Variants in SLC39A6 observed in about 807,000 individuals in gnomAD.
SLC39A6 encodes zinc transporter ZIP6.
SLC39A6 carries 51 observed loss-of-function variants against 63.5 expected under a neutral mutation model. The ratio of observed to expected loss-of-function variants is 0.80; its 90% CI spans 0.64 to 1.01. The LOEUF is 1.01. Ranked by LOEUF, SLC39A6 falls within the 50% of genes least tolerant of loss-of-function variation. The probability of loss-of-function intolerance (pLI) is 0.00; values close to 1 mark genes in which losing one functional copy is unlikely to be tolerated. For synonymous variants in SLC39A6, 318 were observed against 324.7 expected, an observed-to-expected ratio of 0.98 and a Z score of 0.22; for missense variants, 805 against 927.8, an observed-to-expected ratio of 0.87 and a Z score of 1.72.
chr18:36,121,643 C>A (rs2089395277), intron 5 of SLC39A6, among the ~76,000 whole-genome samples: 1 of 151,982 alleles, frequency 6.6e-6, no homozygotes, highest in African/African-American at 2.4e-5. Context: ...AAGTCACATA[C>A]CCTTTAAAAG....
chr18:36,118,696 A>C (rs1183314664), intron 5 of SLC39A6, among the ~76,000 whole-genome samples: 2 of 152,216 alleles, frequency 1.3e-5, no homozygotes, highest in Non-Finnish European at 2.9e-5. Flanking sequence ...TTGTCCAAAA[A>C]CTAATGGAGC....
intron 5 of SLC39A6, 135 bp from the exon 6 acceptor site, chr18:36,116,914 C>A: frequency 1.6e-6 from 1 of 619,104 alleles, no homozygotes; most frequent in Non-Finnish European, 2.8e-6. Flanking sequence ...CCCACACTAG[C>A]AGCACACTAT....
intron 5 of SLC39A6, among the ~76,000 whole-genome samples, chr18:36,119,074 A>G (rs778474391): frequency 6.6e-6 from 1 of 152,224 alleles, no homozygotes; most frequent in East Asian, 1.9e-4. Context: ...TGATATACAG[A>G]ATCTCCCAGG....
At position 36,111,162 on chromosome 18, in the gene SLC39A6, C is replaced by G; in HGVS notation, c.2012G>C (p.Gly671Ala). The G allele has an allele frequency of 1.2e-6, 2 of 1,614,206 alleles. No individual in the cohort carries two copies. The highest frequency in any genetic ancestry group is 1.7e-6 in the Non-Finnish European group (2 of 1,180,018). The change falls in exon 9 of 10, where the codon GGA becomes GCA. Residue 671 changes from glycine to alanine, a missense_variant. Physicochemically the swap from Gly to Ala is moderately conservative, Grantham distance 60. Around this residue, in one of 4 missense-constraint regions of SLC39A6, gnomAD observed 145 missense variants for 227.2 expected, o/e 0.64. Coordinates refer to ENST00000269187, the MANE Select transcript of SLC39A6 (RefSeq NM_012319.4). The stretch of plus-strand genomic sequence containing the variant: ...ACCAATGAAAATTCCTGTTGCCATT[C>G]CAAGATACGCCAGCATGGCTGACAA... ...NALSAMLAYL[G>A]MATGIFIGHY...
chr18:36,122,393 T>C, intron 4 of SLC39A6, 123 bp from the exon 5 acceptor site: 1 of 721,090 alleles, frequency 1.4e-6, no homozygotes, highest in Non-Finnish European at 2.4e-6. Context: ...ACTTCAGAGA[T>C]GAGGTGAAGT....
At position 36,109,525 on chromosome 18, in the gene SLC39A6, A is replaced by T. The variant is rs947528962; in HGVS notation, c.*68T>A. 1 of 1,297,114 alleles carries T rather than the reference A, an allele frequency of 7.7e-7. No homozygotes were observed. Among genetic ancestry groups the T allele is most frequent in the Non-Finnish European group, 1.1e-6 (1 of 918,788 alleles). The allele number at this position is 1,297,114 out of a possible 1,614,324, so 80.4% of individuals were successfully genotyped here. A position where few individuals can be genotyped will look rare whatever the true frequency, so the allele number is the denominator to read the frequency against. ...TAAACGCTGCATAGTACAGCATACA[A>T]ACTCATCTCCCTATGACCTACTGAA... On this transcript the variant is annotated 3_prime_UTR_variant, in exon 10 of 10. Transcript: ENST00000269187.
At position 36,126,996 on chromosome 18, in the gene SLC39A6, C is replaced by T. The variant is rs765233589; in HGVS notation, c.12G>A (p.Lys4=). 1.2e-6 allele frequency: 2 copies of T among 1,607,258 alleles called. No homozygotes were observed. The highest frequency in any genetic ancestry group is 1.7e-6 in the Non-Finnish European group (2 of 1,176,198). MAR[K]LSVILILTFA... ...AGGTCAGGATCAAGATTACAGATAACTTCCTCGCCATTGCGCCTTCCTAGA... is the reference window on the plus strand; with the variant it reads ...AGGTCAGGATCAAGATTACAGATAATTTCCTCGCCATTGCGCCTTCCTAGA... The change falls in exon 2 of 10, where the codon AAG becomes AAA. Residue 4 remains lysine, a synonymous_variant. Transcript: ENST00000269187.
rs377106651 is a variant in SLC39A6, at chr18:36,122,293, T to C, written c.1141-23A>G. ...AGACTGAAGGCAAAATAATTTGTTA[T>C]TTATAAATTCATCAGTTTCACACAC... On this transcript the variant is annotated intron_variant, in intron 4 of 9. Coordinates refer to ENST00000269187, the MANE Select transcript of SLC39A6 (RefSeq NM_012319.4). The C allele has an allele frequency of 9.4e-5, 148 of 1,567,426 alleles. 1 individual carries two copies. The Middle Eastern group carries it at 2.2e-3, about 23-fold the overall frequency.
intron 5 of SLC39A6, 128 bp downstream of exon 5, chr18:36,121,923 TC>T (rs1442193438): frequency 9.2e-6 from 6 of 652,218 alleles, no homozygotes; most frequent in Non-Finnish European, 1.6e-5. Flanking sequence ...AAAAAGTACT[TC>T]AAGGGTACTG....
chr18:36,112,380 T>A (rs1337593425), intron 8 of SLC39A6, 121 bp downstream of exon 8: 2 of 719,374 alleles, frequency 2.8e-6, no homozygotes, highest in Admixed American at 2.1e-5. Flanking sequence ...GTATGCTGGT[T>A]AGCAGACTTA....
rs1325330566 is a variant in SLC39A6 at position 36,124,604 on chromosome 18, T to C, written c.886A>G (p.Asn296Asp). 2 of 1,599,314 alleles carry C rather than the reference T, an allele frequency of 1.3e-6. No homozygotes were observed. Among genetic ancestry groups the C allele is most frequent in the Admixed American group, 1.7e-5 (1 of 59,874 alleles). Residue 296 changes from asparagine (N) to aspartate (D), a missense_variant, in exon 3 of 10, where the codon AAC becomes GAC. By Grantham distance (23) the Asn-to-Asp change is conservative (BLOSUM62 1). Around this residue, in one of 4 missense-constraint regions of SLC39A6, gnomAD observed 639 missense variants for 644.0 expected, o/e 0.99. Coordinates refer to ENST00000269187, the MANE Select transcript of SLC39A6 (RefSeq NM_012319.4). Reference protein sequence around the residue: ...EFNYLCPAIINQIDARSCLIH... With the variant: ...EFNYLCPAIIDQIDARSCLIH... Reference sequence around the variant, plus strand: ...AGACAAGATCTAGCATCAATTTGGTTGATGATGGCTGGACAGAGATAGTTG... The same window carrying C: ...AGACAAGATCTAGCATCAATTTGGTCGATGATGGCTGGACAGAGATAGTTG...
chr18:36,114,463 A>T lies in SLC39A6; in HGVS notation c.1477T>A (p.Tyr493Asn). ...GGCTCTTGTGAGTCTGCTCGTAAATAGCCTTCAGTTCCTAGGAATAAACAT... is the reference window on the plus strand; with the variant it reads ...GGCTCTTGTGAGTCTGCTCGTAAATTGCCTTCAGTTCCTAGGAATAAACAT... ...KVDTDDRTEG[Y>N]LRADSQEPSH... is the part of the protein sequence containing the mutation. The change falls in exon 7 of 10, where the codon TAT (tyrosine) becomes AAT (asparagine). Residue 493 changes from tyrosine (Y) to asparagine (N), a missense_variant. Physicochemically the swap from Tyr to Asn is moderately radical, Grantham distance 143. Around this residue, in one of 4 missense-constraint regions of SLC39A6, gnomAD observed 639 missense variants for 644.0 expected, o/e 0.99. Coordinates refer to ENST00000269187, the MANE Select transcript of SLC39A6 (RefSeq NM_012319.4). The T allele has an allele frequency of 6.2e-7, 1 of 1,611,142 alleles. No individual in the cohort carries two copies.
chr18:36,113,833 T>A (rs1319475618), intron 7 of SLC39A6, among the ~76,000 whole-genome samples: 1 of 152,194 alleles, frequency 6.6e-6, no homozygotes, highest in Non-Finnish European at 1.5e-5. Context: ...TAAAGACTGA[T>A]CTTAAGACCT....
chr18:36,118,304 T>C (rs1309837977), intron 5 of SLC39A6, among the ~76,000 whole-genome samples: 1 of 152,206 alleles, frequency 6.6e-6, no homozygotes, highest in African/African-American at 2.4e-5. Flanking sequence ...TCTGTTCTCA[T>C]GGAGCTTACT....
At chr18:36,114,064 C>A in intron 7 of SLC39A6, 33 bp downstream of exon 7, 1 of 1,527,042 alleles carries the variant, frequency 6.5e-7, no homozygotes, top group South Asian at 1.3e-5. Context: ...TTTTCAGAAT[C>A]AATCAACAAG....
At chr18:36,121,129 G>T (rs548695980) in intron 5 of SLC39A6, among the ~76,000 whole-genome samples, 12 of 151,730 alleles carry the variant, frequency 7.9e-5, no homozygotes, top group African/African-American at 2.9e-4. Flanking sequence ...CTAAAATGTT[G>T]AGATATGAAC....
Position 36,124,713 on chromosome 18 carries a change from A to T in SLC39A6, c.790-13T>A, listed in dbSNP as rs760371776. 2.0e-6 allele frequency: 3 copies of T among 1,516,820 alleles called. No individual in the cohort carries two copies. Among genetic ancestry groups the T allele is most frequent in the Non-Finnish European group, 2.7e-6 (3 of 1,111,498 alleles). The allele number at this position is 1,516,820 out of a possible 1,614,324, so 94.0% of individuals were successfully genotyped here. A position where few individuals can be genotyped will look rare whatever the true frequency, so the allele number is the denominator to read the frequency against. On this transcript the variant is annotated splice_polypyrimidine_tract_variant and intron_variant, in intron 2 of 9. Coordinates refer to ENST00000269187, the MANE Select transcript of SLC39A6 (RefSeq NM_012319.4). Reference sequence around the variant, plus strand: ...ATGCATTGAAACACTGAAAGAAACAAAGCAGTGAAAATCACCAAAAGCCAT... The same window carrying T: ...ATGCATTGAAACACTGAAAGAAACATAGCAGTGAAAATCACCAAAAGCCAT...
rs1408246711 is a variant in SLC39A6, at chr18:36,122,058, C to T, written c.1353G>A (p.Lys451=). 2 of 1,603,786 alleles carry T rather than the reference C, an allele frequency of 1.2e-6. No individual in the cohort carries two copies. The highest frequency in any genetic ancestry group is 1.3e-5 in the African/African-American group (1 of 74,546). ...TCGGTATACTTTTTCTTACCTTTTT[C>T]TTCTTATCTTTAAATTGTTTGATCA... is the stretch of plus-strand genomic sequence containing the variant. ...LTLIKQFKDK[K]KKNQKKPEND... Residue 451 remains lysine (K), a synonymous_variant, in exon 5 of 10, where the codon AAG becomes AAA. Coordinates refer to ENST00000269187, the MANE Select transcript of SLC39A6 (RefSeq NM_012319.4).
intron 1 of SLC39A6, among the ~76,000 whole-genome samples, chr18:36,127,440 G>A (rs1457122059): frequency 6.6e-6 from 1 of 152,026 alleles, no homozygotes; most frequent in Non-Finnish European, 1.5e-5. Flanking sequence ...TTGGGAGGCT[G>A]AGGCAGGCAG....
Sources: gnomAD v4.1 joint callset for allele counts (sites outside exome capture counted in the v4.1 genomes callset) on GRCh38, gnomAD v4.1.1 for gene constraint, gnomAD v4.1.1 regional missense constraint, MANE v1.5 for transcripts, NCBI Gene and HGNC (gene_info 2026-07-23, HGNC 2026-07-21) for gene names.